The following TIPIN variants were observed in gnomAD, a reference collection of about 807,000 sequenced individuals.
TIPIN encodes the protein TIMELESS-interacting protein.
A neutral mutation model predicts 35.6 loss-of-function variants in TIPIN; 29 were observed. The ratio of observed to expected loss-of-function variants is 0.82; its 90% CI spans 0.61 to 1.11. TIPIN has a LOEUF of 1.11. TIPIN is among the 50% of genes most tolerant of loss of function. The probability of loss-of-function intolerance (pLI) is 0.00; values close to 1 mark genes in which losing one functional copy is unlikely to be tolerated. For synonymous variants in TIPIN, 102 were observed against 121.5 expected (o/e 0.84, Z 1.06); for missense variants, 296 against 345.4 (o/e 0.86, Z 1.13).
At chr15:66,359,431 A>C (rs12911843), upstream of TIPIN, among the ~76,000 whole-genome samples, 1 of 152,046 alleles carries the variant, frequency 6.6e-6, no homozygotes, top group Non-Finnish European at 1.5e-5. Flanking sequence ...CTGCAGCCTC[A>C]ATCTCCTGGG....
intron 1 of TIPIN, among the ~76,000 whole-genome samples, chr15:66,377,428 C>T (rs2093301272): frequency 6.6e-6 from 1 of 151,112 alleles, no homozygotes; most frequent in African/African-American, 2.4e-5. Context: ...GCAGTGGCGC[C>T]ATCTTGGCTC....
At position 66,379,716 on chromosome 15, in the gene TIPIN, A is replaced by C. The variant is rs116101603; in HGVS notation, c.-9+6891T>G. On this transcript the variant is annotated intron_variant, in intron 1 of 7. Coordinates refer to the TIPIN transcript ENST00000562124. ...ACTACAAATAGTCCGAACGGTAGCC[A>C]GTTCTTTTCTGTTACCCCACCATTT... The C allele has an allele frequency of 2.4e-3, 3,925 of 1,609,626 alleles. 66 individuals carry two copies. In the African/African-American group the frequency reaches 0.041, roughly 17 times the overall value.
chr15:66,366,774 A>G (rs2093256516), intron 1 of TIPIN: 4 of 960,012 alleles, frequency 4.2e-6, no homozygotes, highest in Non-Finnish European at 5.0e-6. Flanking sequence ...CTCAAAAAAA[A>G]AAAAAAAAGA....
intron 1 of TIPIN, chr15:66,379,821 C>A (rs1192092378): frequency 6.3e-7 from 1 of 1,597,212 alleles, no homozygotes; most frequent in Admixed American, 1.7e-5. Flanking sequence ...CCGCAGGGTT[C>A]CTCTGGGGCC....
chr15:66,371,450 T>C lies in TIPIN; in HGVS notation c.-9+15157A>G, dbSNP rs987002468. 31 of 911,594 alleles carry C rather than the reference T, an allele frequency of 3.4e-5. No homozygotes were observed. The African/African-American group carries it at 4.8e-4, about 14-fold the overall frequency. The allele number at this position is 911,594 out of a possible 1,614,324, so 56.5% of individuals were successfully genotyped here. On this transcript the variant is annotated intron_variant, in intron 1 of 7. Transcript: ENST00000562124. ...TAAAAATATATTTGGGTCAGTCTGC[T>C]TTATTTTCTGGGAAAAAAAAAGTTT...
rs554376968 is a variant in TIPIN at position 66,339,718 on chromosome 15, T to C, written c.682+1432A>G. Among the ~76,000 whole-genome samples the C allele has an allele frequency of 6.3e-4, 96 of 152,210 alleles. 1 individual carries two copies. The South Asian group carries it at 0.012, about 18-fold the overall frequency. On this transcript the variant is annotated intron_variant, in intron 7 of 7. Coordinates refer to ENST00000261881, the MANE Select transcript of TIPIN (RefSeq NM_017858.3). ...ACTGCACTCTAGCCTGGGTGACAGA[T>C]TGACAACGTTTCTAAAAATACTAAT...
intron 1 of TIPIN, among the ~76,000 whole-genome samples, chr15:66,377,822 A>G (rs533724620): frequency 6.6e-6 from 1 of 151,242 alleles, no homozygotes; most frequent in South Asian, 2.1e-4. Context: ...GACTACAGGC[A>G]CATGTCATTA....
At chr15:66,348,551 G>A (rs1439414239) in intron 6 of TIPIN, among the ~76,000 whole-genome samples, 2 of 151,386 alleles carry the variant, frequency 1.3e-5, no homozygotes, top group African/African-American at 4.9e-5. Context: ...AACTGGGCAT[G>A]GTGGCGCATG....
rs62627273 is a variant in TIPIN at position 66,353,647 on chromosome 15, C to G, written c.-8-692G>C. On this transcript the variant is annotated intron_variant, in intron 1 of 7. Coordinates refer to ENST00000261881, the MANE Select transcript of TIPIN (RefSeq NM_017858.3). ...AAAAAAAAAAATCTGTTTATATACA[C>G]CTACTACGTGCCCACAAAAATTAAA... Among the ~76,000 whole-genome samples, 300 of 151,600 alleles carry G rather than the reference C, an allele frequency of 2.0e-3. 1 individual carries two copies. The highest frequency in any genetic ancestry group is 6.8e-3 in the African/African-American group (283 of 41,320).
intron 1 of TIPIN, among the ~76,000 whole-genome samples, chr15:66,354,146 T>C (rs1317608365): frequency 6.6e-6 from 1 of 152,140 alleles, no homozygotes; most frequent in Non-Finnish European, 1.5e-5. Flanking sequence ...GCACAGAGCT[T>C]TAATAAGTAC....
intron 7 of TIPIN, among the ~76,000 whole-genome samples, 159 bp downstream of exon 7, chr15:66,340,990 TC>T (rs2093082548): frequency 6.6e-6 from 1 of 152,182 alleles, no homozygotes. Flanking sequence ...ATTCTCTCTC[TC>T]CTCTCTCACA....
At chr15:66,354,991 C>T (rs925373292) in intron 1 of TIPIN, among the ~76,000 whole-genome samples, 3 of 151,894 alleles carry the variant, frequency 2.0e-5, no homozygotes, top group African/African-American at 7.3e-5. Flanking sequence ...CAGCTGGAAC[C>T]CCAATGCTGT....
upstream of TIPIN, among the ~76,000 whole-genome samples, chr15:66,359,842 G>A (rs901888164): frequency 5.3e-5 from 8 of 152,150 alleles, no homozygotes; most frequent in African/African-American, 1.7e-4. Context: ...TGCCAAAAAC[G>A]AACAGAGCAG....
chr15:66,341,040 C>T, intron 7 of TIPIN, 110 bp downstream of exon 7: 1 of 943,106 alleles, frequency 1.1e-6, no homozygotes, highest in South Asian at 1.6e-5. Flanking sequence ...TAATATCACA[C>T]TTTTCCACTC....
intron 6 of TIPIN, among the ~76,000 whole-genome samples, chr15:66,346,506 C>T (rs1026490048): frequency 1.3e-5 from 2 of 152,122 alleles, no homozygotes; most frequent in African/African-American, 4.8e-5. Flanking sequence ...TCCTTTGCAT[C>T]CCACCCTGCG....
chr15:66,372,022 C>T (rs556238302), intron 1 of TIPIN, among the ~76,000 whole-genome samples: 5 of 152,158 alleles, frequency 3.3e-5, no homozygotes, highest in South Asian at 2.1e-4. Context: ...TTTGAACTCC[C>T]GAGCTCAAGC....
chr15:66,352,268 G>A, intron 2 of TIPIN, 61 bp from the exon 3 acceptor site: 1 of 1,296,496 alleles, frequency 7.7e-7, no homozygotes. Context: ...TATTTATTAT[G>A]TATCATTTCC....
chr15:66,345,795 C>T lies in TIPIN; in HGVS notation c.475+3265G>A, dbSNP rs573818357. On this transcript the variant is annotated intron_variant, in intron 6 of 7. Coordinates refer to ENST00000261881, the MANE Select transcript of TIPIN (RefSeq NM_017858.3). ...AAATAAAATGGTCAAAACATTTTTA[C>T]TTCTGTGGCACCTGATCAAAAAAAT... 3.3e-5 allele frequency among the ~76,000 whole-genome samples: 5 copies of T among 152,100 alleles called. No homozygotes were observed. The South Asian group carries it at 1.0e-3, about 32-fold the overall frequency.
Position 66,379,823 on chromosome 15 carries a change from T to G in TIPIN, c.-9+6784A>C, listed in dbSNP as rs987545435. On this transcript the variant is annotated intron_variant, in intron 1 of 7. Transcript: ENST00000562124. ...GATTGAAGTCCCTCCGCAGGGTTCC[T>G]CTGGGGCCATTCACGATAACTGTGT... is the stretch of plus-strand genomic sequence containing the variant. 5 of 1,597,366 alleles carry G rather than the reference T, an allele frequency of 3.1e-6. No individual in the cohort carries two copies. In the African/African-American group the frequency reaches 6.7e-5, roughly 21 times the overall value.
Sources: allele counts gnomAD v4.1 joint callset (sites outside exome capture counted in the v4.1 genomes callset), GRCh38; gene constraint gnomAD v4.1.1; transcripts MANE v1.5; gene names NCBI Gene and HGNC (gene_info 2026-07-23, HGNC 2026-07-21).